Variants in TMCO1 observed in about 807,000 individuals in gnomAD.
TMCO1 encodes calcium load-activated calcium channel.
Under a neutral mutation model 29.3 loss-of-function variants are expected in TMCO1, and 29 were observed. The ratio of observed to expected loss-of-function variants is 0.99; its 90% CI spans 0.74 to 1.35. TMCO1 has a LOEUF of 1.35. TMCO1 is among the 40% of genes most tolerant of loss of function. The pLI is 0.00. For synonymous variants in TMCO1, 80 were observed against 77.1 expected (o/e 1.04, Z -0.20); for missense variants, 173 against 225.5 (o/e 0.77, Z 1.49).
At chr1:165,752,450 T>C (rs920137882) in intron 4 of TMCO1, among the ~76,000 whole-genome samples, 1 of 150,108 alleles carries the variant, frequency 6.7e-6, no homozygotes. Context: ...AGACATGGAG[T>C]TTCACCGTGT....
rs1651766104 is a variant in TMCO1, at chr1:165,745,502, C to A, written c.324-2191G>T. Reference sequence around the variant, plus strand: ...AAAAAAAAAAAAAAAAAAAAATTAGCCACGTGTCATGGTGCATGTCTGTAG... The same window carrying A: ...AAAAAAAAAAAAAAAAAAAAATTAGACACGTGTCATGGTGCATGTCTGTAG... On this transcript the variant is annotated intron_variant, in intron 5 of 6. Transcript: ENST00000367881. 2.2e-5 allele frequency among the ~76,000 whole-genome samples: 3 copies of A among 137,278 alleles called. No homozygotes were observed. The South Asian group carries it at 6.9e-4, about 32-fold the overall frequency. 90.1% of individuals were successfully genotyped at this position (137,278 alleles called of 152,430 possible).
At chr1:165,730,860 TG>T (rs1651133446) in intron 6 of TMCO1, among the ~76,000 whole-genome samples, 1 of 151,994 alleles carries the variant, frequency 6.6e-6, no homozygotes, top group African/African-American at 2.4e-5. Context: ...TCCCAGGTGC[TG>T]GCATTATAGG....
intron 2 of TMCO1, among the ~76,000 whole-genome samples, chr1:165,762,383 A>T (rs1311047717): frequency 1.3e-5 from 2 of 152,184 alleles, no homozygotes; most frequent in African/African-American, 4.8e-5. Context: ...CCCCAGAAGG[A>T]CTATAACACA....
intron 1 of TMCO1, 95 bp from the exon 2 acceptor site, chr1:165,768,364 T>C (rs996716297): frequency 2.6e-6 from 4 of 1,513,852 alleles, no homozygotes; most frequent in Middle Eastern, 1.7e-4. Context: ...ATTCCAACTT[T>C]TCGCTTTGTA....
At position 165,754,282 on chromosome 1, in the gene TMCO1, G is replaced by C; in HGVS notation, c.209-8C>G. ...GTTTCTCTTCTTGTCTCTCTGCAAAGAATTAATGAGATGGTTAATACATAC... is the reference window on the plus strand; with the variant it reads ...GTTTCTCTTCTTGTCTCTCTGCAAACAATTAATGAGATGGTTAATACATAC... On this transcript the variant is annotated splice_polypyrimidine_tract_variant and splice_region_variant and intron_variant, in intron 3 of 6. Coordinates refer to ENST00000367881, the MANE Select transcript of TMCO1 (RefSeq NM_019026.6). The C allele has an allele frequency of 6.2e-7, 1 of 1,605,740 alleles. No individual in the cohort carries two copies. Among genetic ancestry groups the C allele is most frequent in the Non-Finnish European group, 8.5e-7 (1 of 1,173,006 alleles).
At chr1:165,760,294 A>G (rs1187028647) in intron 2 of TMCO1, among the ~76,000 whole-genome samples, 2 of 151,996 alleles carry the variant, frequency 1.3e-5, no homozygotes, top group Non-Finnish European at 1.5e-5. Context: ...AGCTGGGCGT[A>G]GTGGCATATG....
chr1:165,756,487 G>C (rs1285330859), intron 3 of TMCO1, among the ~76,000 whole-genome samples: 1 of 151,936 alleles, frequency 6.6e-6, no homozygotes, highest in African/African-American at 2.4e-5. Flanking sequence ...TCTTTATTTG[G>C]AATACAACAA....
Position 165,768,771 on chromosome 1 carries a change from A to C in TMCO1, c.-20T>G, listed in dbSNP as rs773712450. 9 of 1,613,892 alleles carry C rather than the reference A, an allele frequency of 5.6e-6. No homozygotes were observed. Among genetic ancestry groups the C allele is most frequent in the South Asian group, 1.1e-5 (1 of 91,040 alleles). ...GCTCATCTCGCACCTTCGTCTCTGC[A>C]CTCTCACCCGCCAGGGGGAAAGCGC... On this transcript the variant is annotated 5_prime_UTR_variant, in exon 1 of 7. Transcript: ENST00000367881.
chr1:165,746,789 C>T (rs1232686348), intron 5 of TMCO1, among the ~76,000 whole-genome samples: 2 of 151,894 alleles, frequency 1.3e-5, no homozygotes, highest in African/African-American at 4.8e-5. Flanking sequence ...TAATTCATTG[C>T]ACAATAGAAC....
At chr1:165,742,590 G>A (rs556297049) in intron 6 of TMCO1, among the ~76,000 whole-genome samples, 5 of 152,008 alleles carry the variant, frequency 3.3e-5, no homozygotes, top group African/African-American at 1.2e-4. Context: ...GGCCCATCTC[G>A]AAAGCCACTT....
At chr1:165,747,367 A>G (rs1454103112) in intron 5 of TMCO1, among the ~76,000 whole-genome samples, 1 of 152,170 alleles carries the variant, frequency 6.6e-6, no homozygotes, top group Non-Finnish European at 1.5e-5. Flanking sequence ...TTGGAAAGAA[A>G]CTACAGAAAG....
In TMCO1 at chr1:165,727,591, T is replaced by C. The variant is rs2101782429; in HGVS notation, c.*432A>G. ...CTCTTTATTGATCTTATGTCATGTA[T>C]TTGGCTTGAAAAAAAAACAACAACA... On this transcript the variant is annotated 3_prime_UTR_variant, in exon 7 of 7. Transcript: ENST00000367881. 1 of 452,916 alleles carries C rather than the reference T, an allele frequency of 2.2e-6. No individual in the cohort carries two copies. Among genetic ancestry groups the C allele is most frequent in the East Asian group, 6.9e-5 (1 of 14,398 alleles). The allele number at this position is 452,916 out of a possible 1,614,324, so 28.1% of individuals were successfully genotyped here. A position where few individuals can be genotyped will look rare whatever the true frequency, so the allele number is the denominator to read the frequency against.
intron 5 of TMCO1, among the ~76,000 whole-genome samples, chr1:165,746,024 G>A (rs1651782814): frequency 1.3e-5 from 2 of 152,182 alleles, no homozygotes; most frequent in South Asian, 4.1e-4. Context: ...GCTCACGCCT[G>A]TAATCCCAGC....
At chr1:165,735,604 T>A (rs925601283) in intron 6 of TMCO1, among the ~76,000 whole-genome samples, 4 of 149,850 alleles carry the variant, frequency 2.7e-5, no homozygotes, top group Non-Finnish European at 1.5e-5. Flanking sequence ...AACCTCTGCC[T>A]CCCAGGTTCA....
Position 165,768,820 on chromosome 1 carries a change from GAA to G in TMCO1, c.-71_-70del. 1 of 1,607,818 alleles carries G rather than the reference GAA, an allele frequency of 6.2e-7. No individual in the cohort carries two copies. On this transcript the variant is annotated 5_prime_UTR_variant, in exon 1 of 7. Transcript: ENST00000367881. Reference sequence around the variant, plus strand: ...GCTCTACAGCCAGGAAAAGTGAAGCGAAAACGGCTTCCGTAGACTCCGCCACC... The same window carrying G: ...GCTCTACAGCCAGGAAAAGTGAAGCGAACGGCTTCCGTAGACTCCGCCACC...
At chr1:165,726,642 AG>A (rs1364805251), downstream of TMCO1, 2 of 454,808 alleles carry the variant, frequency 4.4e-6, no homozygotes, top group Non-Finnish European at 4.4e-6. Flanking sequence ...TCCTTAAATT[AG>A]ATAATCCATA....
intron 2 of TMCO1, among the ~76,000 whole-genome samples, chr1:165,761,703 C>T (rs1652410981): frequency 6.6e-6 from 1 of 151,922 alleles, no homozygotes; most frequent in Admixed American, 6.6e-5. Flanking sequence ...AAGCCCAGCA[C>T]TCTGAGAGGC....
At chr1:165,725,802 C>G, downstream of TMCO1, 1 of 461,494 alleles carries the variant, frequency 2.2e-6, no homozygotes, top group Non-Finnish European at 4.3e-6. Flanking sequence ...GTTTTATTTC[C>G]TCTGTAATAT....
At chr1:165,746,242 G>A (rs28735603) in intron 5 of TMCO1, among the ~76,000 whole-genome samples, 1 of 151,162 alleles carries the variant, frequency 6.6e-6, no homozygotes, top group Non-Finnish European at 1.5e-5. Flanking sequence ...GCAGGAGGCG[G>A]AGGTCGTAGT....
Sources: gnomAD v4.1 joint callset for allele counts (sites outside exome capture counted in the v4.1 genomes callset) on GRCh38, gnomAD v4.1.1 for gene constraint, MANE v1.5 for transcripts, NCBI Gene and HGNC (gene_info 2026-07-23, HGNC 2026-07-21) for gene names.